Variants in KCNN4 observed in about 807,000 individuals in gnomAD.
The protein encoded by KCNN4 is intermediate conductance calcium-activated potassium channel protein 4.
In KCNN4, 31 loss-of-function variants were observed where a neutral mutation model predicts 45.2. The observed-to-expected ratio is 0.69, with a 90% CI of 0.52 to 0.92. The LOEUF is 0.92. KCNN4 is among the 40% of genes least tolerant of loss of function. The pLI is 0.00. For synonymous variants in KCNN4, 231 were observed against 254.6 expected (o/e 0.91, Z 0.88); for missense variants, 463 against 574.0 (o/e 0.81, Z 1.98).
intron 1 of KCNN4, among the ~76,000 whole-genome samples, chr19:43,777,513 C>T (rs1202736805): frequency 6.6e-5 from 10 of 152,176 alleles, no homozygotes; most frequent in Non-Finnish European, 1.5e-4. Context: ...TGCTCTCATC[C>T]GGAGGGCTGA....
chr19:43,776,528 G>C lies in KCNN4; in HGVS notation c.255+13C>G. On this transcript the variant is annotated intron_variant, in intron 2 of 8. Coordinates refer to ENST00000648319, the MANE Select transcript of KCNN4 (RefSeq NM_002250.3). ...TTGGAGGGAGCAAGGCTTAGGGGCG[G>C]GGCCTGCCCTACCTGGACCTCTTTG... 6.3e-7 allele frequency: 1 copy of C among 1,586,670 alleles called. No individual in the cohort carries two copies. The highest frequency in any genetic ancestry group is 8.7e-7 in the Non-Finnish European group (1 of 1,155,922).
chr19:43,771,962 T>C, intron 4 of KCNN4, 38 bp downstream of exon 4: 1 of 1,556,750 alleles, frequency 6.4e-7, no homozygotes, highest in Non-Finnish European at 8.7e-7. Context: ...ATGACCAGTT[T>C]GGGATAGGGA....
In KCNN4 at chr19:43,780,483, G is replaced by C. The variant is rs1258286928; in HGVS notation, c.159+220C>G. On this transcript the variant is annotated intron_variant, in intron 1 of 8. Coordinates refer to ENST00000648319, the MANE Select transcript of KCNN4 (RefSeq NM_002250.3). Reference sequence around the variant, plus strand: ...CCCAGCCCCTCCTCCCTCAGACCCAGGAGTCCAGGCCCTCAGTCCCTCCTC... The same window carrying C: ...CCCAGCCCCTCCTCCCTCAGACCCACGAGTCCAGGCCCTCAGTCCCTCCTC... Among the ~76,000 whole-genome samples, 277 of 37,478 alleles carry C rather than the reference G, an allele frequency of 7.4e-3. 15 individuals are homozygous for C. The highest frequency in any genetic ancestry group is 0.022 in the African/African-American group (240 of 11,012). The allele number at this position is 37,478 out of a possible 152,430, so 24.6% of individuals were successfully genotyped here.
chr19:43,780,419 A>AC (rs774161852), intron 1 of KCNN4, among the ~76,000 whole-genome samples: 21 of 36,494 alleles, frequency 5.8e-4, no homozygotes, highest in East Asian at 1.3e-3. Context: ...AGGAGTCCAG[A>AC]CCCCAGCCCC....
Position 43,767,435 on chromosome 19 carries a change from C to T in KCNN4, c.*3+105G>A, listed in dbSNP as rs572776564. 5.8e-5 allele frequency: 80 copies of T among 1,377,374 alleles called. No homozygotes were observed. In the Middle Eastern group the frequency reaches 1.3e-3, roughly 22 times the overall value. The allele number at this position is 1,377,374 out of a possible 1,614,324, so 85.3% of individuals were successfully genotyped here. Reference sequence around the variant, plus strand: ...CAGTGCCAGAGCTGATGAGAAAAGGCGGCCTTGTCTCCCAGCCATCCCCCG... The same window carrying T: ...CAGTGCCAGAGCTGATGAGAAAAGGTGGCCTTGTCTCCCAGCCATCCCCCG... On this transcript the variant is annotated intron_variant, in intron 8 of 8. Coordinates refer to ENST00000648319, the MANE Select transcript of KCNN4 (RefSeq NM_002250.3).
intron 4 of KCNN4, among the ~76,000 whole-genome samples, chr19:43,770,889 C>T (rs1431045480): frequency 6.6e-6 from 1 of 152,162 alleles, no homozygotes; most frequent in Non-Finnish European, 1.5e-5. Flanking sequence ...GGAGGAGGTC[C>T]TGAGCGGTGC....
chr19:43,769,354 G>A lies in KCNN4; in HGVS notation c.1049+88C>T, dbSNP rs1449141118. On this transcript the variant is annotated intron_variant, in intron 6 of 8. Transcript: ENST00000648319. This position sits in a 1 kb window ranked among gnomAD's most constrained non-coding sequence, Gnocchi z 4.4. ...ACACCTGGGTGTCCTGACCTGGACAGGCATGGACATGCACACACACAGCCG... is the reference window on the plus strand; with the variant it reads ...ACACCTGGGTGTCCTGACCTGGACAAGCATGGACATGCACACACACAGCCG... 9 of 1,060,666 alleles carry A rather than the reference G, an allele frequency of 8.5e-6. 1 individual carries two copies. The Middle Eastern group carries it at 1.5e-3, about 177-fold the overall frequency. The allele number at this position is 1,060,666 out of a possible 1,614,324, so 65.7% of individuals were successfully genotyped here.
Position 43,772,390 on chromosome 19 carries a change from G to T in KCNN4, c.684-255C>A, listed in dbSNP as rs1200789263. Among the ~76,000 whole-genome samples the T allele has an allele frequency of 6.6e-6, 1 of 152,134 alleles. No individual in the cohort carries two copies. The highest frequency in any genetic ancestry group is 1.5e-5 in the Non-Finnish European group (1 of 68,042). On this transcript the variant is annotated intron_variant, in intron 3 of 8. Coordinates refer to ENST00000648319, the MANE Select transcript of KCNN4 (RefSeq NM_002250.3). This position sits in a 1 kb window ranked among gnomAD's most constrained non-coding sequence, Gnocchi z 4.4. Reference sequence around the variant, plus strand: ...CACTCTGGGATTTGAGACTGGGTCTGGCCAATCCCAATGCCGGTATGGTCT... The same window carrying T: ...CACTCTGGGATTTGAGACTGGGTCTTGCCAATCCCAATGCCGGTATGGTCT...
At chr19:43,767,496 C>T (rs778935156) in intron 8 of KCNN4, 44 bp downstream of exon 8, 3 of 1,593,862 alleles carry the variant, frequency 1.9e-6, no homozygotes, top group Non-Finnish European at 2.6e-6. Context: ...CCACAGGAAC[C>T]CTTCCTCCAG....
At chr19:43,767,361 A>G in intron 8 of KCNN4, 179 bp downstream of exon 8, 1 of 706,744 alleles carries the variant, frequency 1.4e-6, no homozygotes, top group African/African-American at 1.8e-5. Context: ...AGGGTACACC[A>G]TCTTCCTTCA....
chr19:43,780,755 C>T lies in KCNN4; in HGVS notation c.107G>A (p.Gly36Asp), dbSNP rs147042670. 1 of 1,613,948 alleles carries T rather than the reference C, an allele frequency of 6.2e-7. No homozygotes were observed. Among genetic ancestry groups the T allele is most frequent in the African/African-American group, 1.3e-5 (1 of 74,944 alleles). ...AGWALVLAGTGIGLMVLHAEM... is the reference protein window; with the variant it reads ...AGWALVLAGTDIGLMVLHAEM... ...TGCATGCAGCACCATGAGTCCAATG[C>T]CAGTTCCTGCCAGCACCAGTGCCCA... is the stretch of plus-strand genomic sequence containing the variant. Residue 36 changes from glycine (G) to aspartate (D), a missense_variant, in exon 1 of 9, where the codon GGC becomes GAC. Physicochemically the swap from Gly to Asp is moderately conservative, Grantham distance 94. This residue lies in a region of KCNN4 where 225 missense variants were observed against 240.9 expected (regional missense o/e 0.93). Coordinates refer to ENST00000648319, the MANE Select transcript of KCNN4 (RefSeq NM_002250.3).
At position 43,772,236 on chromosome 19, in the gene KCNN4, C is replaced by T; in HGVS notation, c.684-101G>A. On this transcript the variant is annotated intron_variant, in intron 3 of 8. Transcript: ENST00000648319. The surrounding 1 kb of genome is among the most constrained non-coding windows in gnomAD (Gnocchi z 4.4). ...CCCTCCCATCCCCTTCCCTCTGGTT[C>T]CCTCCCTTCCCCTCCCAGTATACAC... 1.7e-6 allele frequency: 2 copies of T among 1,203,406 alleles called. No individual in the cohort carries two copies. The highest frequency in any genetic ancestry group is 2.3e-6 in the Non-Finnish European group (2 of 861,464). The allele number at this position is 1,203,406 out of a possible 1,614,324, so 74.5% of individuals were successfully genotyped here.
rs377306465 is a variant in KCNN4, at chr19:43,769,743, C to G, written c.906G>C (p.Met302Ile). The G allele has an allele frequency of 1.2e-6, 2 of 1,613,664 alleles. No homozygotes were observed. The highest frequency in any genetic ancestry group is 1.7e-6 in the Non-Finnish European group (2 of 1,179,826). Reference sequence around the variant, plus strand: ...CCTCTTTGGTATACTGGATATCCATCATGAAGTTGTGCACGTGCTTCTCTG... The same window carrying G: ...CCTCTTTGGTATACTGGATATCCATGATGAAGTTGTGCACGTGCTTCTCTG... ...NKAEKHVHNF[M>I]MDIQYTKEMK... Residue 302 changes from methionine (M) to isoleucine (I), a missense_variant, in exon 5 of 9, where the codon ATG becomes ATC. Around this residue, in one of 3 missense-constraint regions of KCNN4, gnomAD observed 109 missense variants for 183.7 expected, o/e 0.59. Coordinates refer to ENST00000648319, the MANE Select transcript of KCNN4 (RefSeq NM_002250.3). This position sits in a 1 kb window ranked among gnomAD's most constrained non-coding sequence, Gnocchi z 4.4.
Position 43,777,326 on chromosome 19 carries a change from G to GTGTGTGTGT in KCNN4, c.160-691_160-690insACACACACA, listed in dbSNP as rs1555725374. Among the ~76,000 whole-genome samples the GTGTGTGTGT allele has an allele frequency of 2.8e-3, 398 of 141,508 alleles. 3 individuals carry two copies. The highest frequency in any genetic ancestry group is 0.025 in the Middle Eastern group (7 of 282). 92.8% of individuals were successfully genotyped at this position (141,508 alleles called of 152,430 possible). ...GTGTGTGTGTGTGTGTGTGTGTGTG[G>GTGTGTGTGT]GTGTGTGTGTGTGGTGTCTAGAAAA... On this transcript the variant is annotated intron_variant, in intron 1 of 8. Coordinates refer to ENST00000648319, the MANE Select transcript of KCNN4 (RefSeq NM_002250.3).
Position 43,769,461 on chromosome 19 carries a change from G to A in KCNN4, c.1030C>T (p.Leu344=), listed in dbSNP as rs759720749. ...CCTCACGCGTTGATGGCGGCCAGCA[G>A]CTTGCGCTGATGCCTGCGGGCAGCA... ...SHAARRHQRK[L]LAAINAFRQV... The change falls in exon 6 of 9, where the codon CTG becomes TTG. Residue 344 remains leucine (L), a synonymous_variant. Transcript: ENST00000648319. This position sits in a 1 kb window ranked among gnomAD's most constrained non-coding sequence, Gnocchi z 4.4. The A allele has an allele frequency of 9.3e-6, 15 of 1,614,212 alleles. No individual in the cohort carries two copies. The highest frequency in any genetic ancestry group is 1.3e-5 in the Non-Finnish European group (15 of 1,180,018).
intron 1 of KCNN4, chr19:43,776,887 C>G: frequency 2.3e-6 from 1 of 431,356 alleles, no homozygotes; most frequent in African/African-American, 2.0e-5. Flanking sequence ...CACCGAAGGT[C>G]GGGAGTTTGA....
chr19:43,771,445 G>T (rs920295516), intron 4 of KCNN4, among the ~76,000 whole-genome samples: 6 of 152,130 alleles, frequency 3.9e-5, no homozygotes, highest in Non-Finnish European at 7.4e-5. Context: ...CACGTGGCTC[G>T]CCTGAGCTCC....
rs530204056 is a variant in KCNN4, at chr19:43,776,281, A to C, written c.255+260T>G. Among the ~76,000 whole-genome samples, 13 of 150,164 alleles carry C rather than the reference A, an allele frequency of 8.7e-5. No individual in the cohort carries two copies. The South Asian group carries it at 2.8e-3, about 32-fold the overall frequency. On this transcript the variant is annotated intron_variant, in intron 2 of 8. Transcript: ENST00000648319. ...TGGACAGAGGCCTGGGGGCGGAAGC[A>C]GGGCTGCAAGGGCACTCTCAGCATC...
rs1252479011 is a variant in KCNN4, at chr19:43,774,623, C to T, written c.256-4G>A. Reference sequence around the variant, plus strand: ...GCCCGTTGTCGGTCATGAACAGCTGCCGGTAGGGGGCCAAGAAGGGAGGGG... The same window carrying T: ...GCCCGTTGTCGGTCATGAACAGCTGTCGGTAGGGGGCCAAGAAGGGAGGGG... On this transcript the variant is annotated splice_polypyrimidine_tract_variant and splice_region_variant and intron_variant, in intron 2 of 8. Transcript: ENST00000648319. The surrounding 1 kb of genome is among the most constrained non-coding windows in gnomAD (Gnocchi z 5.6). 9 of 1,492,598 alleles carry T rather than the reference C, an allele frequency of 6.0e-6. No homozygotes were observed. Among genetic ancestry groups the T allele is most frequent in the Non-Finnish European group, 8.0e-6 (9 of 1,130,414 alleles). The allele number at this position is 1,492,598 out of a possible 1,614,324, so 92.5% of individuals were successfully genotyped here.
Sources: allele counts gnomAD v4.1 joint callset (sites outside exome capture counted in the v4.1 genomes callset), GRCh38; gene constraint gnomAD v4.1.1; regional missense constraint gnomAD v4.1.1; non-coding constraint Gnocchi (gnomAD v3.1); transcripts MANE v1.5; gene names NCBI Gene and HGNC (gene_info 2026-07-23, HGNC 2026-07-21).